PDZK1: variants seen among roughly 807,000 people sequenced by gnomAD.
The protein encoded by PDZK1 is Na(+)/H(+) exchange regulatory cofactor NHE-RF3.
Under a neutral mutation model 38.1 loss-of-function variants are expected in PDZK1, and 23 were observed. The ratio of observed to expected loss-of-function variants is 0.60; its 90% CI spans 0.43 to 0.85. The LOEUF is 0.85. Ranked by LOEUF, PDZK1 falls within the 40% of genes least tolerant of loss-of-function variation. The pLI, the probability that PDZK1 is intolerant of heterozygous loss-of-function variation, is 0.00. For synonymous variants in PDZK1, 98 were observed against 186.2 expected (o/e 0.53, Z 3.86); for missense variants, 297 against 504.3 (o/e 0.59, Z 3.94).
chr1:145,679,261 T>C (rs1354478517), intron 5 of PDZK1, among the ~76,000 whole-genome samples: 2 of 151,674 alleles, frequency 1.3e-5, no homozygotes, highest in African/African-American at 2.4e-5. Context: ...TCAACTGTAA[T>C]GTATTCAAGC....
At chr1:145,689,041 C>T (rs1040219204) in intron 1 of PDZK1, among the ~76,000 whole-genome samples, 2 of 152,110 alleles carry the variant, frequency 1.3e-5, no homozygotes. Context: ...CCTGAAGTCT[C>T]TAGCCACAGC....
Position 145,686,624 on chromosome 1 carries a change from A to C in PDZK1, c.313T>G (p.Leu105Val). ...AVKTRVDLKE[L>V]GQSQKEQGLS... ...CCTTGCTCCTTCTGACTTTGACCCA[A>C]CTCTTTCAAGTCCACCCGTGTTTTC... The change falls in exon 3 of 9, where the codon TTG (leucine) becomes GTG (valine). Residue 105 changes from leucine to valine, a missense_variant. Transcript: ENST00000417171. 1.2e-6 allele frequency: 2 copies of C among 1,603,650 alleles called. No homozygotes were observed. The highest frequency in any genetic ancestry group is 2.2e-5 in the South Asian group (2 of 90,220).
chr1:145,672,456 T>G lies in PDZK1; in HGVS notation c.1506+274A>C, dbSNP rs1346563661. ...TCTAGATCATCCGATTCAGGCTCTT[T>G]TGGGGGTTCCCATTACAATACTGAT... On this transcript the variant is annotated intron_variant, in intron 8 of 8. Coordinates refer to ENST00000417171, the MANE Select transcript of PDZK1 (RefSeq NM_001201325.2). 1.6e-4 allele frequency among the ~76,000 whole-genome samples: 24 copies of G among 150,616 alleles called. 1 individual carries two copies. Among genetic ancestry groups the G allele is most frequent in the Admixed American group, 9.3e-4 (14 of 15,054 alleles).
In PDZK1 at chr1:145,682,530, C is replaced by T; in HGVS notation, c.567G>A (p.Glu189=). 2 of 1,606,982 alleles carry T rather than the reference C, an allele frequency of 1.2e-6. No homozygotes were observed. The highest frequency in any genetic ancestry group is 2.3e-4 in the Middle Eastern group (1 of 4,422). ...HLIEVNGENV[E]DASHEEVVEK... ...CAACCACTTCCTCATGGCTGGCATC[C>T]TCTACATTCTCTCCATTCACTTCAA... Residue 189 remains glutamate, a synonymous_variant, in exon 4 of 9, where the codon GAG becomes GAA. Transcript: ENST00000417171.
intron 1 of PDZK1, among the ~76,000 whole-genome samples, chr1:145,693,628 G>A (rs1180918718): frequency 6.6e-6 from 1 of 152,030 alleles, no homozygotes; most frequent in Non-Finnish European, 1.5e-5. Flanking sequence ...CAAAAAATTA[G>A]CCGGGCGTGG....
intron 1 of PDZK1, among the ~76,000 whole-genome samples, chr1:145,697,916 C>A (rs912820400): frequency 6.6e-6 from 1 of 151,576 alleles, no homozygotes; most frequent in East Asian, 1.9e-4. Context: ...CTGCACCCAG[C>A]CTGGATGTTT....
rs1286756674 is a variant in PDZK1 at position 145,691,968 on chromosome 1, AT to A, written c.-2-3946del. On this transcript the variant is annotated intron_variant, in intron 1 of 8. Transcript: ENST00000417171. ...CCGCTCGGGGGTGAGAGCCAATGAG[AT>A]TTTTTTTTTCACCAATTTTATTGAT... 7.3e-5 allele frequency among the ~76,000 whole-genome samples: 11 copies of A among 150,634 alleles called. No homozygotes were observed. In the South Asian group the frequency reaches 8.5e-4, roughly 12 times the overall value.
At position 145,685,723 on chromosome 1, in the gene PDZK1, T is replaced by C. The variant is rs1341152409; in HGVS notation, c.460+754A>G. Among the ~76,000 whole-genome samples, 5 of 152,192 alleles carry C rather than the reference T, an allele frequency of 3.3e-5. No individual in the cohort carries two copies. In the East Asian group the frequency reaches 5.8e-4, roughly 18 times the overall value. ...GGCAGAGGCAGTGTTCAAGAAGGAA[T>C]TGACCAGCTAACACAGCTCCTCTGG... On this transcript the variant is annotated intron_variant, in intron 3 of 8. Coordinates refer to ENST00000417171, the MANE Select transcript of PDZK1 (RefSeq NM_001201325.2).
chr1:145,695,741 C>T (rs782801812), intron 1 of PDZK1, among the ~76,000 whole-genome samples: 2 of 152,194 alleles, frequency 1.3e-5, no homozygotes, highest in Admixed American at 1.3e-4. Flanking sequence ...AGGTAAGAGG[C>T]TGTTGTCAAA....
At chr1:145,675,059 ATTG>A (rs1653513417) in intron 6 of PDZK1, among the ~76,000 whole-genome samples, 1 of 152,070 alleles carries the variant, frequency 6.6e-6, no homozygotes. Flanking sequence ...TTTGCTATGT[ATTG>A]TTGTAAGCAT....
At chr1:145,687,075 A>T (rs1654839113) in intron 2 of PDZK1, among the ~76,000 whole-genome samples, 1 of 152,134 alleles carries the variant, frequency 6.6e-6, no homozygotes, top group African/African-American at 2.4e-5. Context: ...ATGCTTTTGG[A>T]GTCAGGCAGA....
At chr1:145,685,353 A>G (rs1235848769) in intron 3 of PDZK1, among the ~76,000 whole-genome samples, 5 of 152,244 alleles carry the variant, frequency 3.3e-5, no homozygotes, top group African/African-American at 1.2e-4. Flanking sequence ...ACCTTGTTAT[A>G]TATTTGTCAT....
At chr1:145,677,536 A>T (rs1374527558) in intron 6 of PDZK1, among the ~76,000 whole-genome samples, 2 of 151,930 alleles carry the variant, frequency 1.3e-5, no homozygotes, top group Non-Finnish European at 2.9e-5. Context: ...AAAAGCCATT[A>T]ATCTAATTAA....
Position 145,671,224 on chromosome 1 carries a change from C to A in PDZK1, c.*212G>T. ...AAAAAATCTAGCTCTTGCCTTATCTCTTCCTAAGTTAAGCATAAATTAGCC... is the reference window on the plus strand; with the variant it reads ...AAAAAATCTAGCTCTTGCCTTATCTATTCCTAAGTTAAGCATAAATTAGCC... On this transcript the variant is annotated 3_prime_UTR_variant, in exon 9 of 9. Coordinates refer to ENST00000417171, the MANE Select transcript of PDZK1 (RefSeq NM_001201325.2). 9.0e-7 allele frequency: 1 copy of A among 1,108,354 alleles called. No homozygotes were observed. The highest frequency in any genetic ancestry group is 1.2e-6 in the Non-Finnish European group (1 of 837,634). The allele number at this position is 1,108,354 out of a possible 1,614,324, so 68.7% of individuals were successfully genotyped here.
rs967931424 is a variant in PDZK1 at position 145,688,075 on chromosome 1, G to A, written c.-2-52C>T. 3 of 1,435,164 alleles carry A rather than the reference G, an allele frequency of 2.1e-6. No individual in the cohort carries two copies. In the Admixed American group the frequency reaches 5.0e-5, roughly 24 times the overall value. The allele number at this position is 1,435,164 out of a possible 1,614,324, so 88.9% of individuals were successfully genotyped here. On this transcript the variant is annotated intron_variant, in intron 1 of 8. Coordinates refer to ENST00000417171, the MANE Select transcript of PDZK1 (RefSeq NM_001201325.2). ...AACCATGGAAAAGAGAATCTAATTG[G>A]AGTGAGAACCCCATCCTCCATCTCC...
intron 1 of PDZK1, among the ~76,000 whole-genome samples, chr1:145,695,000 C>A (rs1553703917): frequency 1.3e-5 from 2 of 149,992 alleles, no homozygotes; most frequent in Admixed American, 1.3e-4. Flanking sequence ...ATTAAGGAAA[C>A]CTTCAAAAAT....
intron 4 of PDZK1, 137 bp from the exon 5 acceptor site, chr1:145,681,244 T>C: frequency 2.1e-6 from 1 of 478,418 alleles, no homozygotes; most frequent in Non-Finnish European, 3.7e-6. Context: ...GTTTAAGCTG[T>C]TACACTATGC....
chr1:145,703,147 A>C (rs587653929), intron 1 of PDZK1, among the ~76,000 whole-genome samples: 57 of 152,252 alleles, frequency 3.7e-4, no homozygotes, highest in African/African-American at 1.3e-3. Context: ...GAATCCTTCC[A>C]TGACCACCAC....
At position 145,677,112 on chromosome 1, in the gene PDZK1, T is replaced by A. The variant is rs587617688; in HGVS notation, c.990+1337A>T. 4.6e-5 allele frequency among the ~76,000 whole-genome samples: 7 copies of A among 152,320 alleles called. No individual in the cohort carries two copies. In the East Asian group the frequency reaches 1.2e-3, roughly 25 times the overall value. ...AAGTAAGTACAGTAAGATGGTCATC[T>A]CTAGAAGCCAAGTGTCTGTCAGTTA... is the stretch of plus-strand genomic sequence containing the variant. On this transcript the variant is annotated intron_variant, in intron 6 of 8. Coordinates refer to ENST00000417171, the MANE Select transcript of PDZK1 (RefSeq NM_001201325.2).
Sources: allele counts gnomAD v4.1 joint callset (sites outside exome capture counted in the v4.1 genomes callset), GRCh38; gene constraint gnomAD v4.1.1; transcripts MANE v1.5; gene names NCBI Gene and HGNC (gene_info 2026-07-23, HGNC 2026-07-21).